Variants in RAPGEF4 observed in about 807,000 individuals in gnomAD.
The protein encoded by RAPGEF4 is RAP guanine-nucleotide-exchange factor (GEF) 4.
Under a neutral mutation model 147.9 loss-of-function variants are expected in RAPGEF4, and 66 were observed. The ratio of observed to expected loss-of-function variants is 0.45; its 90% confidence interval spans 0.37 to 0.55. The LOEUF is 0.55. Ranked by LOEUF, RAPGEF4 falls within the 20% of genes least tolerant of loss-of-function variation. RAPGEF4 has a pLI of 0.00. For synonymous variants in RAPGEF4, 419 were observed against 442.7 expected, an observed-to-expected ratio of 0.95 and a Z score of 0.67; for missense variants, 1,071 against 1,257.3, an observed-to-expected ratio of 0.85 and a Z score of 2.24.
chr2:172,822,796 C>T (rs1689216124), intron 4 of RAPGEF4, among the ~76,000 whole-genome samples: 1 of 152,244 alleles, frequency 6.6e-6, no homozygotes. Flanking sequence ...CTCTCCCCTG[C>T]ACTGTTCTCT....
intron 16 of RAPGEF4, among the ~76,000 whole-genome samples, chr2:173,000,785 C>T (rs1693835641): frequency 6.7e-6 from 1 of 148,748 alleles, no homozygotes; most frequent in Admixed American, 6.7e-5. Flanking sequence ...TTTCTCCCCT[C>T]ACCAATTCTC....
At chr2:173,025,508 T>C (rs1042221312) in intron 23 of RAPGEF4, among the ~76,000 whole-genome samples, 1 of 152,242 alleles carries the variant, frequency 6.6e-6, no homozygotes, top group Admixed American at 6.5e-5. Flanking sequence ...AGTGGCACGA[T>C]CTCGGCTCAC....
intron 4 of RAPGEF4, among the ~76,000 whole-genome samples, chr2:172,839,230 G>T (rs1242757098): frequency 6.6e-6 from 1 of 152,020 alleles, no homozygotes; most frequent in Non-Finnish European, 1.5e-5. Flanking sequence ...GCCAAGAGAG[G>T]GTTCTTGGAT....
At chr2:172,784,921 G>A (rs1469036171) in intron 1 of RAPGEF4, among the ~76,000 whole-genome samples, 1 of 152,006 alleles carries the variant, frequency 6.6e-6, no homozygotes, top group African/African-American at 2.4e-5. Context: ...CACCTCCCGG[G>A]TTCAAGTGTT....
At chr2:172,983,440 T>C in intron 10 of RAPGEF4, 56 bp from the exon 11 acceptor site, 2 of 1,565,298 alleles carry the variant, frequency 1.3e-6, no homozygotes, top group Non-Finnish European at 1.7e-6. Context: ...TTTCCATGTT[T>C]GAGGCCCTAG....
At chr2:172,932,257 A>G (rs1354342972) in intron 6 of RAPGEF4, among the ~76,000 whole-genome samples, 1 of 152,180 alleles carries the variant, frequency 6.6e-6, no homozygotes, top group African/African-American at 2.4e-5. Flanking sequence ...TCACTCATTC[A>G]TCCATTCATA....
chr2:172,759,052 A>G (rs1010324864), intron 1 of RAPGEF4, among the ~76,000 whole-genome samples: 43 of 152,352 alleles, frequency 2.8e-4, no homozygotes, highest in African/African-American at 9.9e-4. Context: ...TTGAAAGGCA[A>G]GTAAAGATGT....
intron 4 of RAPGEF4, among the ~76,000 whole-genome samples, chr2:172,843,603 C>A (rs998209151): frequency 2.0e-5 from 3 of 152,182 alleles, no homozygotes; most frequent in Non-Finnish European, 4.4e-5. Context: ...ATGAAAAGTT[C>A]TTGTGAGCTC....
chr2:172,897,516 A>G (rs1698604920), intron 4 of RAPGEF4, among the ~76,000 whole-genome samples: 1 of 152,034 alleles, frequency 6.6e-6, no homozygotes, highest in African/African-American at 2.4e-5. Context: ...ATCCTGCCTC[A>G]TCCTCCCAAG....
chr2:172,826,659 G>A (rs1469250308), intron 4 of RAPGEF4, among the ~76,000 whole-genome samples: 1 of 152,118 alleles, frequency 6.6e-6, no homozygotes, highest in African/African-American at 2.4e-5. Context: ...ACCTTGAAAG[G>A]CATTCACTTA....
intron 16 of RAPGEF4, among the ~76,000 whole-genome samples, chr2:173,000,115 A>T (rs1431773277): frequency 6.6e-6 from 1 of 152,176 alleles, no homozygotes; most frequent in Non-Finnish European, 1.5e-5. Flanking sequence ...ATTAAAAAAA[A>T]TATTTTCTTG....
chr2:172,889,965 A>G (rs1205720625), intron 4 of RAPGEF4: 1 of 392,848 alleles, frequency 2.5e-6, no homozygotes, highest in East Asian at 1.6e-4. Flanking sequence ...TTCTGTAGCC[A>G]TAGAAGAAAG....
chr2:172,947,098 CTG>C (rs1461710885), intron 6 of RAPGEF4, among the ~76,000 whole-genome samples: 2 of 152,134 alleles, frequency 1.3e-5, no homozygotes, highest in East Asian at 3.9e-4. Context: ...CTATTGACAA[CTG>C]TGTGTTGTTA....
At chr2:172,981,157 A>C (rs73977751) in intron 10 of RAPGEF4, among the ~76,000 whole-genome samples, 11,094 of 152,202 alleles carry the variant, frequency 0.073, 592 homozygotes, top group South Asian at 0.16. Context: ...CATGGAGGTG[A>C]GAATGAGACT....
At chr2:172,933,043 T>C (rs1686150991) in intron 6 of RAPGEF4, among the ~76,000 whole-genome samples, 1 of 152,212 alleles carries the variant, frequency 6.6e-6, no homozygotes, top group African/African-American at 2.4e-5. Context: ...ATGAATTATT[T>C]TAAAAAGTCA....
At chr2:172,755,019 G>C (rs1156524750) in intron 1 of RAPGEF4, among the ~76,000 whole-genome samples, 2 of 152,042 alleles carry the variant, frequency 1.3e-5, no homozygotes, top group Non-Finnish European at 2.9e-5. Flanking sequence ...CTCCAGCCTG[G>C]GTGACAGAGT....
chr2:172,759,061 G>A (rs1696051267), intron 1 of RAPGEF4, among the ~76,000 whole-genome samples: 1 of 152,314 alleles, frequency 6.6e-6, no homozygotes, highest in South Asian at 2.1e-4. Flanking sequence ...AAGTAAAGAT[G>A]TTTTCAAATA....
chr2:172,761,480 T>C (rs1196647429), intron 1 of RAPGEF4, among the ~76,000 whole-genome samples: 1 of 151,986 alleles, frequency 6.6e-6, no homozygotes, highest in Admixed American at 6.6e-5. Context: ...AAAAAAAGAA[T>C]TGTCAACCCA....
intron 4 of RAPGEF4, among the ~76,000 whole-genome samples, chr2:172,892,864 G>T (rs1048693082): frequency 1.3e-5 from 2 of 152,156 alleles, no homozygotes; most frequent in Non-Finnish European, 2.9e-5. Context: ...TACAGTTTTG[G>T]CCAGGCTAGC....
Sources: gnomAD v4.1 joint callset for allele counts (sites outside exome capture counted in the v4.1 genomes callset) on GRCh38, gnomAD v4.1.1 for gene constraint, MANE v1.5 for transcripts, NCBI Gene and HGNC (gene_info 2026-07-23, HGNC 2026-07-21) for gene names.